ARIH1: variants seen among roughly 807,000 people sequenced by gnomAD.
The protein encoded by ARIH1 is E3 ubiquitin-protein ligase ARIH1.
In ARIH1, 8 loss-of-function variants were observed where a neutral mutation model predicts 85.0. The ratio of observed to expected loss-of-function variants is 0.09; its 90% confidence interval spans 0.06 to 0.17. The LOEUF (loss-of-function observed/expected upper bound fraction) is 0.17, where lower values mean the gene tolerates loss of function less well. Ranked by LOEUF, ARIH1 falls within the 10% of genes least tolerant of loss-of-function variation. ARIH1 has a pLI of 1.00. For missense variants in ARIH1, 311 were observed against 718.1 expected (o/e 0.43, Z 6.48); for synonymous variants, 238 against 253.6 (o/e 0.94, Z 0.59).
chr15:72,564,969 C>T (rs79088164), intron 7 of ARIH1, among the ~76,000 whole-genome samples: 3,617 of 152,194 alleles, frequency 0.024, 50 homozygotes, highest in Non-Finnish European at 0.036. Context: ...ACATTTATAT[C>T]CTGCTAGAAG....
At chr15:72,519,719 G>A (rs1006244957) in intron 2 of ARIH1, among the ~76,000 whole-genome samples, 6 of 151,770 alleles carry the variant, frequency 4.0e-5, no homozygotes, top group Non-Finnish European at 7.4e-5. Context: ...CCCAACCTCA[G>A]GTGATCTGCC....
In ARIH1 at chr15:72,589,166, G is replaced by A. The variant is rs1286561583; in HGVS notation, c.*5874G>A. On this transcript the variant is annotated 3_prime_UTR_variant, in exon 14 of 14. Transcript: ENST00000379887. ...TCCAAGCAGCCCTAAAGCAAAATGG[G>A]CATTGTTACCCTATTTTTATGAGGA... 6.6e-6 allele frequency: 1 copy of A among 152,074 alleles called. No individual in the cohort carries two copies. Among genetic ancestry groups the A allele is most frequent in the Non-Finnish European group, 1.5e-5 (1 of 68,028 alleles). 9.4% of individuals were successfully genotyped at this position (152,074 alleles called of 1,614,324 possible). A position where few individuals can be genotyped will look rare whatever the true frequency, so the allele number is the denominator to read the frequency against.
At chr15:72,573,956 T>G (rs2064259247) in intron 11 of ARIH1, among the ~76,000 whole-genome samples, 1 of 152,228 alleles carries the variant, frequency 6.6e-6, no homozygotes, top group African/African-American at 2.4e-5. Context: ...TTCTATATAT[T>G]TCTATATTTC....
chr15:72,547,602 C>T (rs924058473), intron 3 of ARIH1, among the ~76,000 whole-genome samples: 8 of 152,156 alleles, frequency 5.3e-5, no homozygotes, highest in African/African-American at 1.9e-4. Context: ...AGTATTGTAT[C>T]ATTTCTCTTA....
At position 72,555,362 on chromosome 15, in the gene ARIH1, A is replaced by G; in HGVS notation, c.680A>G (p.Gln227Arg). ...AAAATAATGGAAGAAGGCATGGGTC[A>G]GGTAAAGATATCAAGTTGTTTTTCA... ...TTKIMEEGMG[Q>R]TISCPAHGCD... The change falls in exon 4 of 14, where the codon CAG becomes CGG. Residue 227 changes from glutamine to arginine, a missense_variant and splice_region_variant. This residue lies in a region of ARIH1 where 104 missense variants were observed against 221.4 expected (regional missense o/e 0.47). Transcript: ENST00000379887. 1 of 1,606,582 alleles carries G rather than the reference A, an allele frequency of 6.2e-7. No individual in the cohort carries two copies. The highest frequency in any genetic ancestry group is 8.5e-7 in the Non-Finnish European group (1 of 1,173,462).
intron 2 of ARIH1, among the ~76,000 whole-genome samples, chr15:72,523,691 T>C (rs1177045407): frequency 6.6e-6 from 1 of 152,186 alleles, no homozygotes; most frequent in African/African-American, 2.4e-5. Context: ...GTTCATTGAA[T>C]GTACCACTCT....
chr15:72,542,277 A>C (rs2064110680), intron 2 of ARIH1, among the ~76,000 whole-genome samples: 1 of 152,226 alleles, frequency 6.6e-6, no homozygotes, highest in Non-Finnish European at 1.5e-5. Context: ...CCTACATAAA[A>C]ATTTTAAAGT....
intron 1 of ARIH1, among the ~76,000 whole-genome samples, chr15:72,494,990 G>A (rs1364201013): frequency 1.3e-5 from 2 of 152,106 alleles, no homozygotes; most frequent in African/African-American, 4.8e-5. Context: ...GAAGCTTTAA[G>A]CAACTTTCAT....
chr15:72,599,561 C>G lies in ARIH1; in HGVS notation c.*16269C>G, dbSNP rs1234079313. 2 of 152,084 alleles carry G rather than the reference C, an allele frequency of 1.3e-5. No homozygotes were observed. Among genetic ancestry groups the G allele is most frequent in the East Asian group, 3.9e-4 (2 of 5,192 alleles). The allele number at this position is 152,084 out of a possible 1,614,324, so 9.4% of individuals were successfully genotyped here. A position where few individuals can be genotyped will look rare whatever the true frequency, so the allele number is the denominator to read the frequency against. The stretch of plus-strand genomic sequence containing the variant: ...AGAGACAGGGGTCTCACTGTGCTGC[C>G]TAGGCTGGTCTCAAACTCCTGGCCT... On this transcript the variant is annotated 3_prime_UTR_variant, in exon 14 of 14. Coordinates refer to ENST00000379887, the MANE Select transcript of ARIH1 (RefSeq NM_005744.5).
At chr15:72,501,749 C>G (rs1440007529) in intron 1 of ARIH1, among the ~76,000 whole-genome samples, 2 of 152,168 alleles carry the variant, frequency 1.3e-5, no homozygotes, top group African/African-American at 4.8e-5. Context: ...TCTCACAATT[C>G]TAATCACCAC....
At chr15:72,538,289 G>T (rs757711325) in intron 2 of ARIH1, among the ~76,000 whole-genome samples, 1 of 152,168 alleles carries the variant, frequency 6.6e-6, no homozygotes, top group African/African-American at 2.4e-5. Flanking sequence ...GTTTGAACCC[G>T]GGAGGTGGAA....
intron 6 of ARIH1, 57 bp from the exon 7 acceptor site, chr15:72,563,337 G>A: frequency 6.8e-7 from 1 of 1,472,506 alleles, no homozygotes; most frequent in Non-Finnish European, 9.5e-7. Flanking sequence ...GGGATTATAG[G>A]TGTGAGCCAC....
intron 11 of ARIH1, among the ~76,000 whole-genome samples, chr15:72,575,464 G>A (rs2064266494): frequency 6.7e-6 from 1 of 150,240 alleles, no homozygotes; most frequent in African/African-American, 2.4e-5. Context: ...GCTGAGGTGG[G>A]AGGATCACTT....
At chr15:72,491,924 CTCT>C (rs1401970943) in intron 1 of ARIH1, among the ~76,000 whole-genome samples, 1 of 152,090 alleles carries the variant, frequency 6.6e-6, no homozygotes, top group Non-Finnish European at 1.5e-5. Context: ...CTCTGCGGAA[CTCT>C]TCTACCTTTT....
At chr15:72,540,979 A>G (rs2064104551) in intron 2 of ARIH1, among the ~76,000 whole-genome samples, 1 of 152,206 alleles carries the variant, frequency 6.6e-6, no homozygotes, top group South Asian at 2.1e-4. Flanking sequence ...TGTGGGGGCG[A>G]CAAAGTCCAG....
chr15:72,519,361 A>C (rs1179310897), intron 2 of ARIH1, among the ~76,000 whole-genome samples: 1 of 151,866 alleles, frequency 6.6e-6, no homozygotes, highest in East Asian at 1.9e-4. Flanking sequence ...ATTTAATAGT[A>C]ACAACTATCT....
chr15:72,476,783 G>C (rs2063796681), intron 1 of ARIH1, among the ~76,000 whole-genome samples: 1 of 152,276 alleles, frequency 6.6e-6, no homozygotes, highest in South Asian at 2.1e-4. Flanking sequence ...TAGACCTTTG[G>C]ATAGCCATTA....
chr15:72,485,363 C>T (rs942613750), intron 1 of ARIH1, among the ~76,000 whole-genome samples: 2 of 152,090 alleles, frequency 1.3e-5, no homozygotes, highest in African/African-American at 4.8e-5. Context: ...CAGGCATTGC[C>T]GTTAAACAAG....
chr15:72,554,039 A>T (rs1174885619), intron 3 of ARIH1, among the ~76,000 whole-genome samples: 1 of 152,166 alleles, frequency 6.6e-6, no homozygotes, highest in African/African-American at 2.4e-5. Context: ...ATATTGTGGC[A>T]TTTATCAGTA....
Sources: gnomAD v4.1 joint callset for allele counts (sites outside exome capture counted in the v4.1 genomes callset) on GRCh38, gnomAD v4.1.1 for gene constraint, gnomAD v4.1.1 regional missense constraint, MANE v1.5 for transcripts, NCBI Gene and HGNC (gene_info 2026-07-23, HGNC 2026-07-21) for gene names.